Variants in SOX6 observed in about 807,000 individuals in gnomAD.
SOX6 encodes the protein transcription factor SOX-6.
SOX6 carries 11 observed loss-of-function variants against 97.8 expected under a neutral mutation model. The ratio of observed to expected loss-of-function variants is 0.11; its 90% confidence interval spans 0.07 to 0.19. The LOEUF is 0.19. Ranked by LOEUF, SOX6 falls within the 10% of genes least tolerant of loss-of-function variation. SOX6 has a pLI of 1.00. For missense variants in SOX6, 810 were observed against 1,039.5 expected (o/e 0.78, Z 3.04); for synonymous variants, 360 against 371.4 (o/e 0.97, Z 0.35).
chr11:16,626,958 A>G (rs1848631517), intron 3 of SOX6, among the ~76,000 whole-genome samples: 1 of 152,122 alleles, frequency 6.6e-6, no homozygotes, highest in Non-Finnish European at 1.5e-5. Flanking sequence ...TAGTTTTTCA[A>G]CCCATTCCCA....
intron 4 of SOX6, among the ~76,000 whole-genome samples, chr11:16,534,637 G>A (rs1042553883): frequency 6.6e-6 from 1 of 152,104 alleles, no homozygotes; most frequent in African/African-American, 2.4e-5. Flanking sequence ...GCTGAGCACT[G>A]AATTATAACT....
chr11:16,239,774 G>C (rs989776882), intron 3 of SOX6, among the ~76,000 whole-genome samples: 1 of 151,918 alleles, frequency 6.6e-6, no homozygotes, highest in African/African-American at 2.4e-5. Context: ...CAACTGTTTT[G>C]GATAATCTCG....
intron 3 of SOX6, among the ~76,000 whole-genome samples, chr11:16,645,024 T>C (rs917547977): frequency 2.0e-5 from 3 of 152,226 alleles, no homozygotes; most frequent in African/African-American, 7.2e-5. Flanking sequence ...TCCCTAAGGA[T>C]GTATCTTAAT....
chr11:16,273,837 A>G, intron 3 of SOX6, among the ~76,000 whole-genome samples: 1 of 151,998 alleles, frequency 6.6e-6, no homozygotes, highest in East Asian at 1.9e-4. Flanking sequence ...CAACTAAAAG[A>G]AAAAGTGAAA....
chr11:16,269,581 C>A (rs1303756821), intron 3 of SOX6, among the ~76,000 whole-genome samples: 1 of 150,578 alleles, frequency 6.6e-6, no homozygotes, highest in Admixed American at 6.6e-5. Context: ...AAGGGGATGT[C>A]GTTTTATTTG....
chr11:16,247,105 T>C (rs1450366922), intron 3 of SOX6, among the ~76,000 whole-genome samples: 1 of 152,200 alleles, frequency 6.6e-6, no homozygotes, highest in Non-Finnish European at 1.5e-5. Context: ...CTACTATCTA[T>C]GTCCGTGAGT....
intron 4 of SOX6, among the ~76,000 whole-genome samples, chr11:16,218,501 G>T (rs748425214): frequency 6.6e-6 from 1 of 151,956 alleles, no homozygotes; most frequent in Non-Finnish European, 1.5e-5. Flanking sequence ...CTTGCATTTT[G>T]CCCTGGCTAA....
chr11:16,323,485 G>A (rs1855984552), intron 2 of SOX6, among the ~76,000 whole-genome samples: 1 of 152,078 alleles, frequency 6.6e-6, no homozygotes, highest in African/African-American at 2.4e-5. Context: ...TCATGGTATT[G>A]AATATATCAA....
intron 2 of SOX6, among the ~76,000 whole-genome samples, chr11:16,329,386 C>A (rs1856209823): frequency 6.6e-6 from 1 of 152,106 alleles, no homozygotes; most frequent in South Asian, 2.1e-4. Context: ...ACACTACCAG[C>A]CTCACACACA....
chr11:16,324,135 G>T (rs928429029), intron 2 of SOX6, among the ~76,000 whole-genome samples: 12 of 152,170 alleles, frequency 7.9e-5, no homozygotes, highest in African/African-American at 2.9e-4. Context: ...AGTAAGCCAT[G>T]ATTGCTCCAC....
chr11:16,703,467 C>T (rs1331780194), intron 3 of SOX6, among the ~76,000 whole-genome samples: 7 of 151,920 alleles, frequency 4.6e-5, no homozygotes, highest in East Asian at 1.9e-4. Flanking sequence ...GTTCTAGTCC[C>T]GAAATTTTTT....
rs559423791 is a variant in SOX6, at chr11:16,356,457, T to C, written c.-368A>G. On this transcript the variant is annotated 5_prime_UTR_variant, in exon 1 of 16. Coordinates refer to ENST00000683767, the MANE Select transcript of SOX6 (RefSeq NM_001367873.1). ...ACTGCTGCTACAGTTAAGCAAACTT[T>C]ACAAGCTAGTCAAGCCATCATCCAA... 6.6e-6 allele frequency among the ~76,000 whole-genome samples: 1 copy of C among 152,090 alleles called. No homozygotes were observed. The highest frequency in any genetic ancestry group is 1.5e-5 in the Non-Finnish European group (1 of 68,004).
chr11:16,564,539 A>G (rs1045707743), intron 4 of SOX6, among the ~76,000 whole-genome samples: 1 of 152,174 alleles, frequency 6.6e-6, no homozygotes, highest in African/African-American at 2.4e-5. Context: ...TAGAACATAT[A>G]CCAAGATAGA....
In SOX6 at chr11:16,278,443, C is replaced by A. The variant is rs60950030; in HGVS notation, c.445+40003G>T. On this transcript the variant is annotated intron_variant, in intron 3 of 15. Coordinates refer to ENST00000683767, the MANE Select transcript of SOX6 (RefSeq NM_001367873.1). ...AACAATACAAGCTTCTTTCTTCCCACAAATACACACTTCATCTGATCAAAA... is the reference window on the plus strand; with the variant it reads ...AACAATACAAGCTTCTTTCTTCCCAAAAATACACACTTCATCTGATCAAAA... Among the ~76,000 whole-genome samples, 414 of 152,210 alleles carry A rather than the reference C, an allele frequency of 2.7e-3. 3 individuals are homozygous for A. Among genetic ancestry groups the A allele is most frequent in the African/African-American group, 9.6e-3 (399 of 41,552 alleles).
intron 3 of SOX6, among the ~76,000 whole-genome samples, chr11:16,712,512 AT>A (rs1249234838): frequency 1.3e-5 from 2 of 151,916 alleles, no homozygotes; most frequent in Non-Finnish European, 2.9e-5. Context: ...GATGTTGAGC[AT>A]TTTTTCATAT....
intron 4 of SOX6, among the ~76,000 whole-genome samples, chr11:16,496,675 C>T (rs1187807492): frequency 3.9e-5 from 6 of 152,186 alleles, no homozygotes; most frequent in Admixed American, 6.5e-5. Flanking sequence ...GATTGTATCC[C>T]GTGCCTGGAT....
intron 3 of SOX6, among the ~76,000 whole-genome samples, chr11:16,625,511 T>C (rs1848612035): frequency 6.6e-6 from 1 of 152,212 alleles, no homozygotes; most frequent in Non-Finnish European, 1.5e-5. Context: ...CCTAAACCGC[T>C]TGACGTTTTC....
intron 6 of SOX6, among the ~76,000 whole-genome samples, chr11:16,166,037 T>TTAGAG: frequency 6.6e-6 from 1 of 152,148 alleles, no homozygotes; most frequent in South Asian, 2.1e-4. Context: ...AAATACAAAT[T>TTAGAG]ATTCACTAAT....
At chr11:16,165,675 A>T (rs1850869138) in intron 6 of SOX6, among the ~76,000 whole-genome samples, 2 of 152,154 alleles carry the variant, frequency 1.3e-5, no homozygotes, top group African/African-American at 2.4e-5. Flanking sequence ...AGGCGGGCAG[A>T]TCACTTGAGG....
Sources: gnomAD v4.1 joint callset for allele counts (sites outside exome capture counted in the v4.1 genomes callset) on GRCh38, gnomAD v4.1.1 for gene constraint, MANE v1.5 for transcripts, NCBI Gene and HGNC (gene_info 2026-07-23, HGNC 2026-07-21) for gene names.